Variants in ANKRD13B observed in about 807,000 individuals in gnomAD.
The protein encoded by ANKRD13B is ankyrin repeat domain 13B.
ANKRD13B carries 33 observed loss-of-function variants against 74.4 expected under a neutral mutation model. The ratio of observed to expected loss-of-function variants is 0.44; its 90% CI spans 0.34 to 0.59. The LOEUF (loss-of-function observed/expected upper bound fraction) is 0.59, where lower values mean the gene tolerates loss of function less well. ANKRD13B is among the 20% of genes least tolerant of loss of function. ANKRD13B has a pLI of 0.02. For missense variants in ANKRD13B, 676 were observed against 877.9 expected (o/e 0.77, Z 2.91); for synonymous variants, 341 against 362.9 (o/e 0.94, Z 0.68).
chr17:29,607,981 C>A lies in ANKRD13B; in HGVS notation c.251-5C>A. 1 of 1,602,168 alleles carries A rather than the reference C, an allele frequency of 6.2e-7. No homozygotes were observed. Among genetic ancestry groups the A allele is most frequent in the Non-Finnish European group, 8.5e-7 (1 of 1,173,186 alleles). ...GCCCTGTGACCTTGCCTCGCCCTCC[C>A]CCAGTGCTCCAGGAGGCTGTGAGTA... On this transcript the variant is annotated splice_region_variant and splice_polypyrimidine_tract_variant and intron_variant, in intron 2 of 14. Coordinates refer to ENST00000394859, the MANE Select transcript of ANKRD13B (RefSeq NM_152345.5).
In ANKRD13B at chr17:29,608,888, C is replaced by T. The variant is rs1567792499; in HGVS notation, c.459C>T (p.Tyr153=). ...CCAAGATCTGCCCTAGTGACACCTA[C>T]AAAGTGTGGAAGAGCGGCCAGAACC... ...LVSKICPSDT[Y]KVWKSGQNLR... The change falls in exon 5 of 15, where the codon TAC becomes TAT. Residue 153 remains tyrosine (Y), a synonymous_variant. Transcript: ENST00000394859. The surrounding 1 kb of genome is among the most constrained non-coding windows in gnomAD (Gnocchi z 6.4). 6.2e-7 allele frequency: 1 copy of T among 1,614,166 alleles called. No homozygotes were observed. The highest frequency in any genetic ancestry group is 1.1e-5 in the South Asian group (1 of 91,090).
chr17:29,595,280 C>T (rs1469882379), intron 1 of ANKRD13B, among the ~76,000 whole-genome samples: 3 of 152,218 alleles, frequency 2.0e-5, no homozygotes, highest in South Asian at 2.1e-4. Context: ...ATGTGCAAAG[C>T]GCTAAGACAT....
Position 29,607,542 on chromosome 17 carries a change from C to T in ANKRD13B, c.115-200C>T, listed in dbSNP as rs551862016. 7.9e-5 allele frequency among the ~76,000 whole-genome samples: 12 copies of T among 152,338 alleles called. No individual in the cohort carries two copies. In the South Asian group the frequency reaches 1.7e-3, roughly 21 times the overall value. ...TGTCTTCTAAGCCCCTTTCCATCCA[C>T]GTGTCTGTCTTTCCGTTGCTCATAG... On this transcript the variant is annotated intron_variant, in intron 1 of 14. Coordinates refer to ENST00000394859, the MANE Select transcript of ANKRD13B (RefSeq NM_152345.5).
At position 29,612,430 on chromosome 17, in the gene ANKRD13B, C is replaced by T; in HGVS notation, c.1287C>T (p.Ala429=). ...TCCCGATCTTCCACATCCTCAACGC[C>T]CGCATCACCTTCGGGAACCTCAACG... ...IEIPIFHILN[A]RITFGNLNGC... The change falls in exon 12 of 15, where the codon GCC becomes GCT. Residue 429 remains alanine (A), a synonymous_variant. Coordinates refer to ENST00000394859, the MANE Select transcript of ANKRD13B (RefSeq NM_152345.5). The surrounding 1 kb of genome is among the most constrained non-coding windows in gnomAD (Gnocchi z 6.1). 4 of 1,611,494 alleles carry T rather than the reference C, an allele frequency of 2.5e-6. No homozygotes were observed. Among genetic ancestry groups the T allele is most frequent in the Non-Finnish European group, 3.4e-6 (4 of 1,178,902 alleles).
In ANKRD13B at chr17:29,611,749, C is replaced by G; in HGVS notation, c.969+106C>G. On this transcript the variant is annotated intron_variant, in intron 9 of 14. Coordinates refer to ENST00000394859, the MANE Select transcript of ANKRD13B (RefSeq NM_152345.5). This position sits in a 1 kb window ranked among gnomAD's most constrained non-coding sequence, Gnocchi z 4.3. ...ATGGCCTATGTGGACCTCCTTTCCA[C>G]AATGCCCAAGGCCATGTCAGCGCCA... 1 of 1,576,796 alleles carries G rather than the reference C, an allele frequency of 6.3e-7. No individual in the cohort carries two copies. The highest frequency in any genetic ancestry group is 1.7e-5 in the Admixed American group (1 of 58,880).
Position 29,612,197 on chromosome 17 carries a change from C to T in ANKRD13B, c.1182C>T (p.Ala394=), listed in dbSNP as rs2034601642. The change falls in exon 11 of 15, where the codon GCC becomes GCT. Residue 394 remains alanine (A), a synonymous_variant. Transcript: ENST00000394859. This position sits in a 1 kb window ranked among gnomAD's most constrained non-coding sequence, Gnocchi z 6.1. ...EQVAPIIDLM[A]VSNALFAKLR... is the part of the protein sequence containing the mutation. ...TGGCCCCCATCATTGACCTCATGGC[C>T]GTCAGCAATGCGCTTTTTGCCAAGC... is the stretch of plus-strand genomic sequence containing the variant. The T allele has an allele frequency of 4.3e-6, 7 of 1,614,016 alleles. No homozygotes were observed. In the East Asian group the frequency reaches 6.7e-5, roughly 15 times the overall value.
Position 29,607,906 on chromosome 17 carries a change from C to T in ANKRD13B, c.250+29C>T, listed in dbSNP as rs781399101. 1.9e-6 allele frequency: 3 copies of T among 1,579,056 alleles called. No homozygotes were observed. In the East Asian group the frequency reaches 6.8e-5, roughly 36 times the overall value. ...GGCAGCCCTGCTCACCCCAGCCCCA[C>T]AGCCGGGGCCTCCCCAGCATCATAG... On this transcript the variant is annotated intron_variant, in intron 2 of 14. Coordinates refer to ENST00000394859, the MANE Select transcript of ANKRD13B (RefSeq NM_152345.5).
chr17:29,613,856 T>C lies in ANKRD13B; in HGVS notation c.*274T>C. On this transcript the variant is annotated 3_prime_UTR_variant, in exon 15 of 15. Coordinates refer to ENST00000394859, the MANE Select transcript of ANKRD13B (RefSeq NM_152345.5). ...ACCCGCTCCCCTGGGCTCAGATCTG[T>C]CCTGTCCTAGGGCGGAGCCAGGCGG... 2.1e-6 allele frequency: 1 copy of C among 469,430 alleles called. No individual in the cohort carries two copies. Among genetic ancestry groups the C allele is most frequent in the Non-Finnish European group, 3.6e-6 (1 of 274,130 alleles). The allele number at this position is 469,430 out of a possible 1,614,324, so 29.1% of individuals were successfully genotyped here.
chr17:29,610,578 A>G, intron 7 of ANKRD13B, 107 bp from the exon 8 acceptor site: 1 of 810,274 alleles, frequency 1.2e-6, no homozygotes, highest in East Asian at 2.9e-5. Flanking sequence ...CCTGAAGCAG[A>G]GTCTCTCCAG....
chr17:29,595,843 C>T (rs989814788), intron 1 of ANKRD13B, among the ~76,000 whole-genome samples: 2 of 152,172 alleles, frequency 1.3e-5, no homozygotes, highest in Non-Finnish European at 2.9e-5. Context: ...AATGCCACTC[C>T]GTGTAGGTGG....
rs1250269015 is a variant in ANKRD13B at position 29,609,254 on chromosome 17, C to A, written c.734C>A (p.Thr245Asn). Residue 245 changes from threonine (T) to asparagine (N), a missense_variant, in exon 6 of 15, where the codon ACC (threonine) becomes AAC (asparagine). Physicochemically the swap from Thr to Asn is moderately conservative, Grantham distance 65. Transcript: ENST00000394859. This position sits in a 1 kb window ranked among gnomAD's most constrained non-coding sequence, Gnocchi z 4.0. ...CCCGTCGTCACCACTCAGCTTGACA[C>A]CAAGAATATCTCCTTTGAGAGGTGG... ...TAPVVTTQLDTKNISFERNKT... is the reference protein window; with the variant it reads ...TAPVVTTQLDNKNISFERNKT... 1 of 1,613,022 alleles carries A rather than the reference C, an allele frequency of 6.2e-7. No individual in the cohort carries two copies. Among genetic ancestry groups the A allele is most frequent in the South Asian group, 1.1e-5 (1 of 91,066 alleles).
chr17:29,594,586 T>C lies in ANKRD13B; in HGVS notation c.114+851T>C, dbSNP rs564293284. Among the ~76,000 whole-genome samples, 83 of 152,294 alleles carry C rather than the reference T, an allele frequency of 5.4e-4. 1 individual carries two copies. The highest frequency in any genetic ancestry group is 1.9e-3 in the African/African-American group (80 of 41,564). ...AACAAAGGCAGGCACAGGTCACAGA[T>C]TGCCACTTCTGCCCTTGGCACCCAG... On this transcript the variant is annotated intron_variant, in intron 1 of 14. Coordinates refer to ENST00000394859, the MANE Select transcript of ANKRD13B (RefSeq NM_152345.5).
chr17:29,599,957 A>G (rs976473827), intron 1 of ANKRD13B, among the ~76,000 whole-genome samples: 2 of 138,716 alleles, frequency 1.4e-5, no homozygotes, highest in Admixed American at 1.6e-4. Flanking sequence ...GCTCACTGCA[A>G]GCTCCGCCTC....
Position 29,607,780 on chromosome 17 carries a change from C to G in ANKRD13B, c.153C>G (p.Pro51=). ...IEQLDPRGRT[P]LHLATTLGHL... The stretch of plus-strand genomic sequence containing the variant: ...AGCTGGATCCCCGCGGCCGGACTCC[C>G]CTGCACCTGGCCACCACGCTGGGGC... Residue 51 remains proline, a synonymous_variant, in exon 2 of 15, where the codon CCC becomes CCG. Coordinates refer to ENST00000394859, the MANE Select transcript of ANKRD13B (RefSeq NM_152345.5). The G allele has an allele frequency of 1.2e-6, 2 of 1,602,600 alleles. No individual in the cohort carries two copies. Among genetic ancestry groups the G allele is most frequent in the Non-Finnish European group, 8.5e-7 (1 of 1,179,800 alleles).
chr17:29,594,832 C>A (rs1336798419), intron 1 of ANKRD13B, among the ~76,000 whole-genome samples: 2 of 152,202 alleles, frequency 1.3e-5, no homozygotes, highest in African/African-American at 4.8e-5. Flanking sequence ...GAAGTTCAGT[C>A]TGAGGAGCTG....
chr17:29,599,522 G>A (rs1172105671), intron 1 of ANKRD13B: 5 of 152,174 alleles, frequency 3.3e-5, no homozygotes, highest in Non-Finnish European at 1.5e-5. Flanking sequence ...GGTTAGATGT[G>A]GAGGGTGCGG....
intron 1 of ANKRD13B, among the ~76,000 whole-genome samples, chr17:29,602,540 C>T (rs2034220611): frequency 6.6e-6 from 1 of 152,154 alleles, no homozygotes; most frequent in Admixed American, 6.5e-5. Context: ...GGGCCACAAC[C>T]CTCTTGGCTT....
At position 29,610,781 on chromosome 17, in the gene ANKRD13B, C is replaced by T. The variant is rs745828917; in HGVS notation, c.904+15C>T. ...CAAGGTCAAAGGTAATGAGGCAGAG[C>T]TGGATGGGGAGAGGTGTTGCAGGAC... On this transcript the variant is annotated intron_variant, in intron 8 of 14. Transcript: ENST00000394859. The T allele has an allele frequency of 6.2e-7, 1 of 1,613,088 alleles. No homozygotes were observed. Among genetic ancestry groups the T allele is most frequent in the Non-Finnish European group, 8.5e-7 (1 of 1,179,380 alleles).
intron 1 of ANKRD13B, among the ~76,000 whole-genome samples, chr17:29,597,376 G>A (rs1057421118): frequency 7.2e-5 from 11 of 152,268 alleles, no homozygotes; most frequent in Admixed American, 4.6e-4. Flanking sequence ...AAGGGCACAC[G>A]TGAGTACCTA....
Sources: allele counts gnomAD v4.1 joint callset (sites outside exome capture counted in the v4.1 genomes callset), GRCh38; gene constraint gnomAD v4.1.1; non-coding constraint Gnocchi (gnomAD v3.1); transcripts MANE v1.5; gene names NCBI Gene and HGNC (gene_info 2026-07-23, HGNC 2026-07-21).